TENM4: variants seen among roughly 807,000 people sequenced by gnomAD.
The protein encoded by TENM4 is teneurin-4.
In TENM4, 82 loss-of-function variants were observed where a neutral mutation model predicts 243.3. The ratio of observed to expected loss-of-function variants is 0.34; its 90% CI spans 0.28 to 0.40. The LOEUF is 0.40. Ranked by LOEUF, TENM4 falls within the 10% of genes least tolerant of loss-of-function variation. The pLI is 1.00. For synonymous variants in TENM4, 1,412 were observed against 1,456.3 expected (o/e 0.97, Z 0.69); for missense variants, 3,138 against 3,673.3 (o/e 0.85, Z 3.77).
At chr11:79,170,310 A>T (rs1863012154) in intron 3 of TENM4, among the ~76,000 whole-genome samples, 1 of 152,184 alleles carries the variant, frequency 6.6e-6, no homozygotes, top group African/African-American at 2.4e-5. Context: ...GCTGCCTATG[A>T]TGCAAAATGG....
chr11:78,740,698 C>G (rs909739419), intron 19 of TENM4, among the ~76,000 whole-genome samples: 4 of 152,218 alleles, frequency 2.6e-5, no homozygotes, highest in South Asian at 4.1e-4. Flanking sequence ...CACCAGCCAG[C>G]CTTCTCCAGA....
chr11:78,687,704 G>C (rs112349496), intron 29 of TENM4, among the ~76,000 whole-genome samples: 14 of 152,086 alleles, frequency 9.2e-5, no homozygotes, highest in Admixed American at 9.2e-4. Context: ...ATAATTATGC[G>C]TAATTATTTT....
At chr11:79,064,519 A>C in intron 6 of TENM4, 1 of 608,972 alleles carries the variant, frequency 1.6e-6, no homozygotes, top group Non-Finnish European at 2.8e-6. Context: ...CGCCTCCCTA[A>C]TCCGGAAGCA....
chr11:79,317,357 T>G (rs1174107765), intron 1 of TENM4, among the ~76,000 whole-genome samples: 1 of 152,164 alleles, frequency 6.6e-6, no homozygotes, highest in Non-Finnish European at 1.5e-5. Flanking sequence ...CCAAGTGATA[T>G]ATCTGTAATC....
chr11:78,968,025 C>T (rs1857471975), intron 6 of TENM4, among the ~76,000 whole-genome samples: 1 of 152,212 alleles, frequency 6.6e-6, no homozygotes, highest in African/African-American at 2.4e-5. Flanking sequence ...ATGGGTGGAT[C>T]TTTATGAATG....
intron 9 of TENM4, among the ~76,000 whole-genome samples, chr11:78,866,127 G>T (rs1055505836): frequency 6.6e-6 from 1 of 152,184 alleles, no homozygotes; most frequent in Non-Finnish European, 1.5e-5. Context: ...CAGTTAACCT[G>T]CCTGGAAGCA....
chr11:79,090,902 A>G (rs548526915), intron 4 of TENM4, among the ~76,000 whole-genome samples: 42 of 152,254 alleles, frequency 2.8e-4, no homozygotes, highest in African/African-American at 9.9e-4. Context: ...TGAGCCAGAA[A>G]CAGATAATCC....
At chr11:78,741,485 G>A (rs898439306) in intron 19 of TENM4, among the ~76,000 whole-genome samples, 6 of 152,270 alleles carry the variant, frequency 3.9e-5, no homozygotes, top group African/African-American at 1.2e-4. Flanking sequence ...CCGTGGAGAC[G>A]CGATGGTCCT....
At chr11:79,217,408 A>G (rs1444398205) in intron 2 of TENM4, among the ~76,000 whole-genome samples, 2 of 152,190 alleles carry the variant, frequency 1.3e-5, no homozygotes, top group African/African-American at 4.8e-5. Context: ...TAGGCATAGG[A>G]GGTTAACCCC....
At chr11:78,809,022 C>T (rs1857442983) in intron 14 of TENM4, among the ~76,000 whole-genome samples, 3 of 152,184 alleles carry the variant, frequency 2.0e-5, no homozygotes, top group Admixed American at 2.0e-4. Context: ...TGAACCTCAA[C>T]TTTGGGTTGA....
At chr11:79,128,657 A>C (rs997429089) in intron 4 of TENM4, among the ~76,000 whole-genome samples, 2 of 152,232 alleles carry the variant, frequency 1.3e-5, no homozygotes, top group African/African-American at 4.8e-5. Flanking sequence ...CAGCTGCAGC[A>C]CTACAGCCCC....
intron 4 of TENM4, among the ~76,000 whole-genome samples, chr11:79,145,353 G>A (rs572193963): frequency 1.3e-5 from 2 of 152,070 alleles, no homozygotes. Flanking sequence ...GAATTAAAAG[G>A]CAGAATGTGA....
intron 1 of TENM4, among the ~76,000 whole-genome samples, chr11:79,380,884 T>C (rs1358771840): frequency 1.3e-5 from 2 of 152,196 alleles, no homozygotes; most frequent in Admixed American, 1.3e-4. Flanking sequence ...GAATAGAGGC[T>C]GTGTAGTAAG....
chr11:78,844,438 T>C (rs1858336515), intron 12 of TENM4, among the ~76,000 whole-genome samples: 1 of 152,102 alleles, frequency 6.6e-6, no homozygotes, highest in Non-Finnish European at 1.5e-5. Context: ...GTTCAGGAGA[T>C]CGAGACCATC....
At chr11:79,045,442 C>T (rs1859632795) in intron 6 of TENM4, among the ~76,000 whole-genome samples, 1 of 152,102 alleles carries the variant, frequency 6.6e-6, no homozygotes, top group South Asian at 2.1e-4. Flanking sequence ...GGATTTAAGT[C>T]CATGAGTCGA....
In TENM4 at chr11:78,899,211, T is replaced by C. The variant is rs900179276; in HGVS notation, c.749+4057A>G. Among the ~76,000 whole-genome samples, 9 of 152,138 alleles carry C rather than the reference T, an allele frequency of 5.9e-5. No homozygotes were observed. In the South Asian group the frequency reaches 1.2e-3, roughly 21 times the overall value. ...GCAAGCCACTGAGTATGAAGCACAA[T>C]TACCCTGCTAGGAAGCCTATTTGGA... On this transcript the variant is annotated intron_variant, in intron 7 of 33. Coordinates refer to ENST00000278550, the MANE Select transcript of TENM4 (RefSeq NM_001098816.3).
At chr11:78,712,045 G>A (rs1276434552) in intron 26 of TENM4, among the ~76,000 whole-genome samples, 2 of 152,150 alleles carry the variant, frequency 1.3e-5, no homozygotes, top group Non-Finnish European at 2.9e-5. Context: ...ATGAAAACAC[G>A]ATACACTAAA....
chr11:78,776,940 A>G (rs1245108595), intron 17 of TENM4, among the ~76,000 whole-genome samples: 2 of 152,168 alleles, frequency 1.3e-5, no homozygotes, highest in East Asian at 3.9e-4. Flanking sequence ...CAGGAAATGC[A>G]GAGTCCTGGT....
rs185118064 is a variant in TENM4, at chr11:79,094,748, G to A, written c.-65-24739C>T. On this transcript the variant is annotated intron_variant, in intron 4 of 33. Transcript: ENST00000278550. Reference sequence around the variant, plus strand: ...AGAGGCCTCCGTAAATCAGGCCCCAGTCACCCCTGGAGACTCCAGACCAGT... The same window carrying A: ...AGAGGCCTCCGTAAATCAGGCCCCAATCACCCCTGGAGACTCCAGACCAGT... Among the ~76,000 whole-genome samples the A allele has an allele frequency of 1.2e-4, 19 of 152,252 alleles. No individual in the cohort carries two copies. The East Asian group carries it at 2.5e-3, about 20-fold the overall frequency.
Sources: allele counts gnomAD v4.1 joint callset (sites outside exome capture counted in the v4.1 genomes callset), GRCh38; gene constraint gnomAD v4.1.1; transcripts MANE v1.5; gene names NCBI Gene and HGNC (gene_info 2026-07-23, HGNC 2026-07-21).